Variants in PRRC2C observed in about 807,000 individuals in gnomAD.
The protein encoded by PRRC2C is proline rich coiled-coil 2C.
A neutral mutation model predicts 317.2 loss-of-function variants in PRRC2C; 72 were observed. The ratio of observed to expected loss-of-function variants is 0.23; its 90% CI spans 0.19 to 0.28. The LOEUF is 0.28. Among genes scored for constraint, PRRC2C ranks in the 10% least tolerant of loss-of-function variants. PRRC2C has a pLI of 1.00. For missense variants in PRRC2C, 3,074 were observed against 3,459.7 expected, an observed-to-expected ratio of 0.89 and a Z score of 2.80; for synonymous variants, 1,296 against 1,205.9, an observed-to-expected ratio of 1.07 and a Z score of -1.55.
intron 34 of PRRC2C, chr1:171,591,044 A>T: frequency 5.5e-6 from 2 of 364,494 alleles, no homozygotes; most frequent in Non-Finnish European, 7.6e-6. Flanking sequence ...GGGGGCACAT[A>T]GTCAAAACTA....
Position 171,591,924 on chromosome 1 carries a change from A to G in PRRC2C, c.*77A>G, listed in dbSNP as rs188045712. ...ATTAAGTCAGATAATGCTGGCAGCC[A>G]AAGGGGCAAAATGGCCTGTGACATT... On this transcript the variant is annotated 3_prime_UTR_variant, in exon 35 of 35. Transcript: ENST00000647382. The G allele has an allele frequency of 3.7e-5, 56 of 1,513,552 alleles. No individual in the cohort carries two copies. Among genetic ancestry groups the G allele is most frequent in the Non-Finnish European group, 3.6e-6 (4 of 1,122,632 alleles). The allele number at this position is 1,513,552 out of a possible 1,614,324, so 93.8% of individuals were successfully genotyped here. A position where few individuals can be genotyped will look rare whatever the true frequency, so the allele number is the denominator to read the frequency against.
In PRRC2C at chr1:171,537,632, C is replaced by T. The variant is rs568245277; in HGVS notation, c.2504+159C>T. On this transcript the variant is annotated intron_variant, in intron 15 of 34. Coordinates refer to ENST00000647382, the MANE Select transcript of PRRC2C (RefSeq NM_001387844.1). The stretch of plus-strand genomic sequence containing the variant: ...TACGCTTACTCTTTGGACATATTCT[C>T]TGTATTCATTAGGGCATTTTGTAAC... Among the ~76,000 whole-genome samples the T allele has an allele frequency of 2.0e-5, 3 of 152,270 alleles. No homozygotes were observed. The South Asian group carries it at 6.2e-4, about 32-fold the overall frequency.
chr1:171,533,232 TC>T (rs1426844845), intron 12 of PRRC2C, among the ~76,000 whole-genome samples: 2 of 152,188 alleles, frequency 1.3e-5, no homozygotes, highest in African/African-American at 2.4e-5. Context: ...ATACTGATTC[TC>T]CCCCTGCTTT....
At position 171,565,061 on chromosome 1, in the gene PRRC2C, A is replaced by G. The variant is rs186275825; in HGVS notation, c.6118-1172A>G. Among the ~76,000 whole-genome samples the G allele has an allele frequency of 1.6e-4, 24 of 152,222 alleles. No individual in the cohort carries two copies. In the East Asian group the frequency reaches 4.6e-3, roughly 29 times the overall value. The stretch of plus-strand genomic sequence containing the variant: ...AATTTTGACCCTAGTTTTGCTTTTT[A>G]TGTTTGTCTTTTCATGAAAAGATTA... On this transcript the variant is annotated intron_variant, in intron 20 of 34. Coordinates refer to ENST00000647382, the MANE Select transcript of PRRC2C (RefSeq NM_001387844.1).
chr1:171,583,857 C>T, intron 28 of PRRC2C, 99 bp from the exon 29 acceptor site: 1 of 951,596 alleles, frequency 1.1e-6, no homozygotes, highest in Non-Finnish European at 1.6e-6. Context: ...TCATGCAGCA[C>T]ATGACTGTAT....
At chr1:171,566,101 A>G (rs1683602886) in intron 20 of PRRC2C, 132 bp from the exon 21 acceptor site, 1 of 685,104 alleles carries the variant, frequency 1.5e-6, no homozygotes, top group Non-Finnish European at 2.3e-6. Context: ...CCTAAAATAT[A>G]ATTAATGTCG....
intron 26 of PRRC2C, 101 bp downstream of exon 26, chr1:171,577,738 TTAA>T (rs1647352000): frequency 1.1e-6 from 1 of 909,304 alleles, no homozygotes; most frequent in Admixed American, 2.6e-5. Context: ...CATAAGGCTC[TTAA>T]AGTACATTGC....
chr1:171,508,254 T>A (rs575496647), intron 1 of PRRC2C, among the ~76,000 whole-genome samples: 1 of 152,308 alleles, frequency 6.6e-6, no homozygotes, highest in East Asian at 1.9e-4. Context: ...GTTTTTCCCA[T>A]TGATTTTGAT....
In PRRC2C at chr1:171,514,633, G is replaced by A; in HGVS notation, c.388G>A (p.Gly130Arg). The A allele has an allele frequency of 2.6e-6, 4 of 1,556,368 alleles. No homozygotes were observed. The highest frequency in any genetic ancestry group is 2.6e-6 in the Non-Finnish European group (3 of 1,149,830). Residue 130 changes from glycine (G) to arginine (R), a missense_variant, in exon 4 of 35, where the codon GGG becomes AGG. Gly to Arg is a moderately radical substitution (Grantham distance 125). Around this residue, in one of 11 missense-constraint regions of PRRC2C, gnomAD observed 237 missense variants for 199.5 expected, o/e 1.19. Transcript: ENST00000647382. ...ATCATGGGCCAGTAACAAGCAAGGTGGGCAAGGAGATGGTAAGTGGACATT... is the reference window on the plus strand; with the variant it reads ...ATCATGGGCCAGTAACAAGCAAGGTAGGCAAGGAGATGGTAAGTGGACATT... Reference protein sequence around the residue: ...PKSWASNKQGGQGDGIQVNSQ... With the variant: ...PKSWASNKQGRQGDGIQVNSQ...
intron 17 of PRRC2C, 47 bp from the exon 18 acceptor site, chr1:171,550,039 T>C: frequency 6.8e-7 from 1 of 1,464,168 alleles, no homozygotes; most frequent in Non-Finnish European, 9.1e-7. Flanking sequence ...TTATTAATTT[T>C]CATTTGAAAA....
Position 171,539,973 on chromosome 1 carries a change from C to A in PRRC2C, c.2507C>A (p.Ser836Tyr), listed in dbSNP as rs1250169791. ...CCTTTGAATTCTTATCATCATAGGT[C>A]TGAAGCTGCGTTGGACCAGGAACAG... ...KATEEPEDVR[S>Y]EAALDQEQIT... The change falls in exon 16 of 35, where the codon TCT becomes TAT. Residue 836 changes from serine (S) to tyrosine (Y), a missense_variant and splice_region_variant. Coordinates refer to ENST00000647382, the MANE Select transcript of PRRC2C (RefSeq NM_001387844.1). The A allele has an allele frequency of 6.2e-7, 1 of 1,604,232 alleles. No individual in the cohort carries two copies. Among genetic ancestry groups the A allele is most frequent in the East Asian group, 2.2e-5 (1 of 44,834 alleles).
At chr1:171,550,051 C>A in intron 17 of PRRC2C, 35 bp from the exon 18 acceptor site, 11 of 1,408,702 alleles carry the variant, frequency 7.8e-6, no homozygotes, top group Admixed American at 5.1e-5. Flanking sequence ...ATTTGAAAAA[C>A]AGAAAATATC....
Position 171,515,832 on chromosome 1 carries a change from G to A in PRRC2C, c.499G>A (p.Gly167Arg). The A allele has an allele frequency of 6.2e-7, 1 of 1,607,018 alleles. No individual in the cohort carries two copies. Among genetic ancestry groups the A allele is most frequent in the Non-Finnish European group, 8.5e-7 (1 of 1,176,714 alleles). The change falls in exon 5 of 35, where the codon GGA (glycine) becomes AGA (arginine). Residue 167 changes from glycine (G) to arginine (R), a missense_variant. Gly to Arg is a moderately radical substitution (Grantham distance 125, BLOSUM62 -2). Transcript: ENST00000647382. ...KEKETNDDNY[G>R]PGPSLRPPNV... ...AAAGGAAACAAATGATGACAACTAT[G>A]GACCTGGACCCAGTTTACGTCCACC...
chr1:171,512,177 C>A lies in PRRC2C; in HGVS notation c.89C>A (p.Ser30Ter). 3 of 1,571,732 alleles carry A rather than the reference C, an allele frequency of 1.9e-6. No individual in the cohort carries two copies. The South Asian group carries it at 3.5e-5, about 18-fold the overall frequency. ...TTATTTAATACTTACAAGGGGAAAT[C>A]ATTAGAAACACAGAAAACCACAGGT... is the stretch of plus-strand genomic sequence containing the variant. Reference protein sequence around the residue: ...LSLFNTYKGKSLETQKTTVAA... With the variant: ...LSLFNTYKGK Residue 30 changes from serine to a stop codon, truncating the protein, a stop_gained, in exon 2 of 35, where the codon TCA (serine) becomes TAA (stop). Transcript: ENST00000647382. LOFTEE classifies it high-confidence loss of function.
chr1:171,581,072 T>C (rs1202461425), intron 28 of PRRC2C, among the ~76,000 whole-genome samples: 1 of 152,224 alleles, frequency 6.6e-6, no homozygotes, highest in African/African-American at 2.4e-5. Flanking sequence ...TACCTTTTGA[T>C]TAAAGATGCT....
Position 171,591,630 on chromosome 1 carries a change from TCTC to T in PRRC2C, c.8481_8483del (p.Ser2828del). 6.2e-7 allele frequency: 1 copy of T among 1,613,892 alleles called. No individual in the cohort carries two copies. The highest frequency in any genetic ancestry group is 8.5e-7 in the Non-Finnish European group (1 of 1,179,868). Reference sequence around the variant, plus strand: ...GTTCTTCAGTCCACGCAACGGTTCTTCTCTGAACAGCAACAGAGCAAACAGATA... The same window carrying T: ...GTTCTTCAGTCCACGCAACGGTTCTTTGAACAGCAACAGAGCAAACAGATA... On this transcript the variant is annotated inframe_deletion, in exon 35 of 35. Coordinates refer to ENST00000647382, the MANE Select transcript of PRRC2C (RefSeq NM_001387844.1).
chr1:171,492,934 TAG>T (rs1667445562), intron 1 of PRRC2C, among the ~76,000 whole-genome samples: 1 of 151,784 alleles, frequency 6.6e-6, no homozygotes, highest in Non-Finnish European at 1.5e-5. Context: ...GTATTTTTAG[TAG>T]AGATGGGGTT....
chr1:171,566,967 G>A (rs11580526), intron 22 of PRRC2C, 124 bp downstream of exon 22: 78,898 of 1,069,982 alleles, frequency 0.074, 3,452 homozygotes, highest in Non-Finnish European at 0.088. Flanking sequence ...GATTATTTCC[G>A]CAAAGAAGAT....
Position 171,540,835 on chromosome 1 carries a change from T to G in PRRC2C, c.3369T>G (p.Thr1123=). 1 of 1,613,732 alleles carries G rather than the reference T, an allele frequency of 6.2e-7. No individual in the cohort carries two copies. Among genetic ancestry groups the G allele is most frequent in the Non-Finnish European group, 8.5e-7 (1 of 1,179,818 alleles). The change falls in exon 16 of 35, where the codon ACT becomes ACG. Residue 1123 remains threonine (T), a synonymous_variant. Coordinates refer to ENST00000647382, the MANE Select transcript of PRRC2C (RefSeq NM_001387844.1). ...STVQVEPAVK[T]VNQQTMAAPV... is the part of the protein sequence containing the mutation. ...TTCAGGTAGAGCCTGCAGTTAAGAC[T>G]GTAAACCAACAGACTATGGCAGCAC... is the stretch of plus-strand genomic sequence containing the variant.
Sources: gnomAD v4.1 joint callset for allele counts (sites outside exome capture counted in the v4.1 genomes callset) on GRCh38, gnomAD v4.1.1 for gene constraint, gnomAD v4.1.1 regional missense constraint, MANE v1.5 for transcripts, NCBI Gene and HGNC (gene_info 2026-07-23, HGNC 2026-07-21) for gene names.